MAGI2: variants seen among roughly 807,000 people sequenced by gnomAD.
MAGI2 encodes the protein membrane-associated guanylate kinase, WW and PDZ domain-containing protein 2.
In MAGI2, 35 loss-of-function variants were observed where a neutral mutation model predicts 133.3. The observed-to-expected ratio is 0.26, with a 90% CI of 0.20 to 0.35. The LOEUF is 0.35. MAGI2 is among the 10% of genes least tolerant of loss of function. The probability of loss-of-function intolerance (pLI) is 1.00; values close to 1 mark genes in which losing one functional copy is unlikely to be tolerated. For missense variants in MAGI2, 1,636 were observed against 1,863.4 expected (o/e 0.88, Z 2.25); for synonymous variants, 729 against 710.6 (o/e 1.03, Z -0.41).
At chr7:78,204,039 A>G (rs938524473) in intron 10 of MAGI2, among the ~76,000 whole-genome samples, 1 of 152,240 alleles carries the variant, frequency 6.6e-6, no homozygotes, top group African/African-American at 2.4e-5. Context: ...CATGCTGGTT[A>G]TTATATTGAG....
chr7:79,185,973 A>C (rs949238155), intron 1 of MAGI2, among the ~76,000 whole-genome samples: 3 of 151,604 alleles, frequency 2.0e-5, no homozygotes, highest in Admixed American at 1.3e-4. Context: ...TATGAACTTA[A>C]AATATGCTTT....
At chr7:78,711,973 T>C (rs1819239409) in intron 2 of MAGI2, among the ~76,000 whole-genome samples, 1 of 152,188 alleles carries the variant, frequency 6.6e-6, no homozygotes, top group African/African-American at 2.4e-5. Flanking sequence ...CTATCTTTCT[T>C]ATACACATTG....
chr7:78,027,300 A>G (rs28577881), intron 21 of MAGI2, among the ~76,000 whole-genome samples: 3,200 of 152,242 alleles, frequency 0.021, 99 homozygotes, highest in African/African-American at 0.073. Flanking sequence ...CACAGTCGCT[A>G]TGATTAGAGC....
intron 1 of MAGI2, among the ~76,000 whole-genome samples, chr7:79,332,097 T>G (rs1840123838): frequency 6.6e-6 from 1 of 152,194 alleles, no homozygotes; most frequent in Non-Finnish European, 1.5e-5. Flanking sequence ...ATTCACTTCG[T>G]TAGTTAGGTA....
intron 2 of MAGI2, among the ~76,000 whole-genome samples, chr7:78,761,766 G>C (rs1485318401): frequency 6.6e-6 from 1 of 152,004 alleles, no homozygotes; most frequent in Non-Finnish European, 1.5e-5. Context: ...CCTAGATTCA[G>C]ATTCTGTAAG....
At chr7:79,143,918 C>T (rs1822369308) in intron 1 of MAGI2, among the ~76,000 whole-genome samples, 1 of 152,080 alleles carries the variant, frequency 6.6e-6, no homozygotes, top group South Asian at 2.1e-4. Flanking sequence ...TAAGATTTAT[C>T]TTCCAAACTG....
At chr7:79,166,832 T>A (rs1321044990) in intron 1 of MAGI2, among the ~76,000 whole-genome samples, 2 of 151,954 alleles carry the variant, frequency 1.3e-5, no homozygotes, top group African/African-American at 4.8e-5. Flanking sequence ...ATATAAATAA[T>A]AGAGGCTAGT....
At chr7:78,945,208 T>C (rs1414087219) in intron 2 of MAGI2, among the ~76,000 whole-genome samples, 1 of 151,744 alleles carries the variant, frequency 6.6e-6, no homozygotes, top group Non-Finnish European at 1.5e-5. Context: ...AGCATAGGCG[T>C]GCATCCCCAC....
chr7:78,609,151 G>T (rs1288331739), intron 3 of MAGI2, among the ~76,000 whole-genome samples: 1 of 152,030 alleles, frequency 6.6e-6, no homozygotes, highest in East Asian at 1.9e-4. Context: ...CCAGATTAAG[G>T]GTGGGTCTGC....
rs550936649 is a variant in MAGI2 at position 78,644,809 on chromosome 7, G to A, written c.419-17570C>T. On this transcript the variant is annotated intron_variant, in intron 2 of 21. Coordinates refer to ENST00000354212, the MANE Select transcript of MAGI2 (RefSeq NM_012301.4). ...AGAGCAGAAATTTTCTAAATAAATA[G>A]AAAAAAAATAAAATCAATAGCTGGC... Among the ~76,000 whole-genome samples, 30 of 151,156 alleles carry A rather than the reference G, an allele frequency of 2.0e-4. 1 individual carries two copies. The South Asian group carries it at 5.8e-3, about 29-fold the overall frequency.
chr7:79,234,568 T>A (rs574119641), intron 1 of MAGI2, among the ~76,000 whole-genome samples: 1 of 152,146 alleles, frequency 6.6e-6, no homozygotes, highest in Non-Finnish European at 1.5e-5. Flanking sequence ...TGACACCCTT[T>A]CTTCCAGTTG....
chr7:78,659,065 G>A (rs866349074), intron 2 of MAGI2, among the ~76,000 whole-genome samples: 6 of 152,110 alleles, frequency 3.9e-5, no homozygotes, highest in Admixed American at 1.3e-4. Flanking sequence ...CAACCTAGAC[G>A]TCTGTCCTTC....
At chr7:79,381,197 TTTG>T (rs937079704) in intron 1 of MAGI2, among the ~76,000 whole-genome samples, 7 of 151,674 alleles carry the variant, frequency 4.6e-5, no homozygotes, top group South Asian at 2.1e-4. Flanking sequence ...ATCTCCTTTT[TTTG>T]TTGTTGTTGT....
rs554250107 is a variant in MAGI2 at position 79,138,777 on chromosome 7, G to A, written c.302-131571C>T. Among the ~76,000 whole-genome samples, 91 of 152,096 alleles carry A rather than the reference G, an allele frequency of 6.0e-4. 2 individuals are homozygous for A. The highest frequency in any genetic ancestry group is 3.7e-3 in the South Asian group (18 of 4,818). On this transcript the variant is annotated intron_variant, in intron 1 of 21. Coordinates refer to ENST00000354212, the MANE Select transcript of MAGI2 (RefSeq NM_012301.4). ...ACCCAGCACTGTGGGAGGCCAAGGC[G>A]GGCGGATCACGAGGTCAGGAGATCG...
At chr7:78,117,773 C>G (rs546350688) in intron 20 of MAGI2, among the ~76,000 whole-genome samples, 2 of 152,088 alleles carry the variant, frequency 1.3e-5, no homozygotes, top group African/African-American at 4.8e-5. Context: ...GAGGTAGGTA[C>G]AGATAAATTA....
intron 1 of MAGI2, among the ~76,000 whole-genome samples, chr7:79,252,453 T>A (rs970533832): frequency 6.6e-6 from 1 of 152,040 alleles, no homozygotes; most frequent in Non-Finnish European, 1.5e-5. Context: ...GAAGAATAGT[T>A]GGGGGTGAGA....
chr7:79,217,935 G>A (rs1354659450), intron 1 of MAGI2, among the ~76,000 whole-genome samples: 1 of 151,954 alleles, frequency 6.6e-6, no homozygotes, highest in African/African-American at 2.4e-5. Flanking sequence ...GACAGCAAAT[G>A]ATGGCTTTCA....
intron 2 of MAGI2, among the ~76,000 whole-genome samples, chr7:78,915,689 T>C (rs1798741060): frequency 1.3e-5 from 2 of 152,012 alleles, no homozygotes; most frequent in African/African-American, 4.8e-5. Context: ...AAGAGTACAC[T>C]TGTTTTATCT....
In MAGI2 at chr7:78,097,235, C is replaced by T. The variant is rs530171802; in HGVS notation, c.3568-18150G>A. On this transcript the variant is annotated intron_variant, in intron 20 of 21. Transcript: ENST00000354212. ...TGGTGGAAGTGTAAATTAGTTCATC[C>T]ATTGTGGAAAGCGGTATGGCGATTC... Among the ~76,000 whole-genome samples the T allele has an allele frequency of 5.9e-5, 9 of 152,260 alleles. No homozygotes were observed. In the East Asian group the frequency reaches 1.7e-3, roughly 29 times the overall value.
Sources: gnomAD v4.1 joint callset for allele counts (sites outside exome capture counted in the v4.1 genomes callset) on GRCh38, gnomAD v4.1.1 for gene constraint, MANE v1.5 for transcripts, NCBI Gene and HGNC (gene_info 2026-07-23, HGNC 2026-07-21) for gene names.